The following SLC24A4 variants were observed in gnomAD, a reference collection of about 807,000 sequenced individuals.
SLC24A4 encodes the protein sodium/potassium/calcium exchanger 4.
In SLC24A4, 53 loss-of-function variants were observed where a neutral mutation model predicts 79.0. The observed-to-expected ratio is 0.67, with a 90% CI of 0.54 to 0.84. The LOEUF (loss-of-function observed/expected upper bound fraction) is 0.84. SLC24A4 is among the 40% of genes least tolerant of loss of function. The pLI is 0.00. For missense variants in SLC24A4, 731 were observed against 822.0 expected, an observed-to-expected ratio of 0.89 and a Z score of 1.35; for synonymous variants, 323 against 323.8, an observed-to-expected ratio of 1.00 and a Z score of 0.03.
intron 2 of SLC24A4, among the ~76,000 whole-genome samples, chr14:92,393,503 G>A (rs942825826): frequency 2.0e-5 from 3 of 151,320 alleles, no homozygotes; most frequent in African/African-American, 7.3e-5. Context: ...GCACATCCAA[G>A]GAAATGGCCA....
intron 2 of SLC24A4, among the ~76,000 whole-genome samples, chr14:92,420,359 A>G (rs1488029107): frequency 2.0e-5 from 3 of 152,192 alleles, no homozygotes; most frequent in Non-Finnish European, 4.4e-5. Flanking sequence ...ATGTGCCTAT[A>G]GTCCCAGCTA....
At chr14:92,481,000 A>G (rs1952331) in intron 12 of SLC24A4, among the ~76,000 whole-genome samples, 152,352 of 152,352 alleles carry the variant, frequency 1, 76,176 homozygotes, top group Non-Finnish European at 1. Context: ...ATTAGACAGA[A>G]AATTCCCTAG....
chr14:92,492,187 AG>A lies in SLC24A4; in HGVS notation c.1664del (p.Ser555ThrfsTer24). The A allele has an allele frequency of 6.2e-7, 1 of 1,614,128 alleles. No homozygotes were observed. Among genetic ancestry groups the A allele is most frequent in the Non-Finnish European group, 8.5e-7 (1 of 1,180,010 alleles). On this transcript the variant is annotated frameshift_variant, in exon 16 of 17. Transcript: ENST00000532405. LOFTEE classifies it high-confidence loss of function. Reference protein sequence around the residue: ...VNYGSTVKINSRGLVYSVVLL... With the variant: ...VNYGSTVKINXRGLVYSVVLL... Reference sequence around the variant, plus strand: ...TTTGATTTTCCAGGTGAAGATCAACAGCCGGGGGCTGGTCTATTCCGTGGTC... The same window carrying A: ...TTTGATTTTCCAGGTGAAGATCAACACCGGGGGCTGGTCTATTCCGTGGTC...
chr14:92,435,624 C>A (rs918783505), intron 3 of SLC24A4, among the ~76,000 whole-genome samples: 1 of 152,120 alleles, frequency 6.6e-6, no homozygotes, highest in Admixed American at 6.5e-5. Context: ...TTAAGCCCAA[C>A]CCAGTATTAA....
intron 2 of SLC24A4, among the ~76,000 whole-genome samples, chr14:92,400,269 T>C (rs2141760032): frequency 6.6e-6 from 1 of 151,882 alleles, no homozygotes; most frequent in South Asian, 2.1e-4. Flanking sequence ...TGAAACCCCG[T>C]CTCTACTAAA....
chr14:92,355,461 C>T (rs556559500), intron 2 of SLC24A4, among the ~76,000 whole-genome samples: 57 of 152,280 alleles, frequency 3.7e-4, no homozygotes, highest in Admixed American at 6.5e-4. Context: ...AGCTGACTTA[C>T]CCAAAAGTTC....
chr14:92,347,680 G>A (rs1204554909), intron 2 of SLC24A4, among the ~76,000 whole-genome samples: 4 of 152,174 alleles, frequency 2.6e-5, no homozygotes, highest in Non-Finnish European at 5.9e-5. Context: ...TGTAATCCCA[G>A]CACTTTGGGA....
intron 1 of SLC24A4, 133 bp downstream of exon 1, chr14:92,324,093 G>A: frequency 3.9e-6 from 5 of 1,270,448 alleles, no homozygotes; most frequent in Admixed American, 2.9e-5. Context: ...TCCCCTCCCC[G>A]CCGGGCAGGT....
intron 2 of SLC24A4, among the ~76,000 whole-genome samples, chr14:92,373,580 C>G (rs941844834): frequency 6.6e-6 from 1 of 152,162 alleles, no homozygotes; most frequent in African/African-American, 2.4e-5. Context: ...ACATTCCTTT[C>G]TTTTACACAT....
chr14:92,454,175 A>C, intron 11 of SLC24A4, 106 bp downstream of exon 11: 1 of 1,258,866 alleles, frequency 7.9e-7, no homozygotes, highest in Non-Finnish European at 1.1e-6. Flanking sequence ...TGTTTAAGGA[A>C]GGATGCCCTG....
chr14:92,490,028 G>A lies in SLC24A4; in HGVS notation c.1538-1637G>A, dbSNP rs1240191357. Among the ~76,000 whole-genome samples, 1 of 152,198 alleles carries A rather than the reference G, an allele frequency of 6.6e-6. No individual in the cohort carries two copies. The highest frequency in any genetic ancestry group is 1.5e-5 in the Non-Finnish European group (1 of 68,040). On this transcript the variant is annotated intron_variant, in intron 14 of 16. Coordinates refer to ENST00000532405, the MANE Select transcript of SLC24A4 (RefSeq NM_153646.4). This position sits in a 1 kb window ranked among gnomAD's most constrained non-coding sequence, Gnocchi z 4.3. The stretch of plus-strand genomic sequence containing the variant: ...TCAGAAAAGTGCCTGGGGCAGGCTG[G>A]GAGGAGGAGTGTAAGGGGCCAACAG...
At chr14:92,385,545 C>G (rs940496780) in intron 2 of SLC24A4, among the ~76,000 whole-genome samples, 3 of 151,926 alleles carry the variant, frequency 2.0e-5, no homozygotes, top group Non-Finnish European at 2.9e-5. Flanking sequence ...GTACAAAGAT[C>G]TAACATGTCA....
intron 13 of SLC24A4, chr14:92,484,543 A>C: frequency 1.0e-6 from 1 of 985,326 alleles, no homozygotes; most frequent in African/African-American, 1.7e-5. Flanking sequence ...GGACTCTGTG[A>C]TTGTGTTTTA....
intron 3 of SLC24A4, among the ~76,000 whole-genome samples, chr14:92,438,437 G>A (rs2402146): frequency 6.6e-6 from 1 of 151,898 alleles, no homozygotes; most frequent in East Asian, 1.9e-4. Context: ...GACTCCCCCC[G>A]CCATCTCTAC....
intron 2 of SLC24A4, among the ~76,000 whole-genome samples, chr14:92,352,563 G>A (rs117804405): frequency 0.015 from 2,341 of 152,304 alleles, 44 homozygotes; most frequent in Non-Finnish European, 0.023. Flanking sequence ...ATTAGGTTCT[G>A]TTTTCAGACT....
At position 92,494,328 on chromosome 14, in the gene SLC24A4, T is replaced by G. The variant is rs1387250592; in HGVS notation, c.*700T>G. The G allele has an allele frequency of 2.0e-5, 3 of 152,430 alleles. No homozygotes were observed. Among genetic ancestry groups the G allele is most frequent in the Admixed American group, 2.0e-4 (3 of 15,286 alleles). The allele number at this position is 152,430 out of a possible 1,614,324, so 9.4% of individuals were successfully genotyped here. ...TGAAATATTAAAAAATGAAACATCA[T>G]ATAGGTCATCATACTTGAAAATTAT... is the stretch of plus-strand genomic sequence containing the variant. On this transcript the variant is annotated 3_prime_UTR_variant, in exon 17 of 17. Transcript: ENST00000532405. This position sits in a 1 kb window ranked among gnomAD's most constrained non-coding sequence, Gnocchi z 4.6.
At chr14:92,483,790 T>TC in intron 13 of SLC24A4, 1 of 1,290,052 alleles carries the variant, frequency 7.8e-7, no homozygotes, top group Non-Finnish European at 1.0e-6. Flanking sequence ...AAACTCACTC[T>TC]CAGCCCCTTA....
At chr14:92,448,375 C>CACACACACACACAA (rs1375708706) in intron 9 of SLC24A4, among the ~76,000 whole-genome samples, 1 of 151,794 alleles carries the variant, frequency 6.6e-6, no homozygotes, top group Non-Finnish European at 1.5e-5. Flanking sequence ...CACACACACA[C>CACACACACACACAA]ACACAAATCC....
intron 2 of SLC24A4, among the ~76,000 whole-genome samples, chr14:92,375,172 C>T (rs984617382): frequency 3.9e-5 from 6 of 152,224 alleles, no homozygotes; most frequent in African/African-American, 1.4e-4. Context: ...ACCCTTTACT[C>T]CCATGAGTAA....
Sources: allele counts gnomAD v4.1 joint callset (sites outside exome capture counted in the v4.1 genomes callset), GRCh38; gene constraint gnomAD v4.1.1; non-coding constraint Gnocchi (gnomAD v3.1); transcripts MANE v1.5; gene names NCBI Gene and HGNC (gene_info 2026-07-23, HGNC 2026-07-21).